MKS1: variants seen among roughly 807,000 people sequenced by gnomAD.
The protein encoded by MKS1 is MKS transition zone complex subunit 1.
Under a neutral mutation model 83.7 loss-of-function variants are expected in MKS1, and 70 were observed. The ratio of observed to expected loss-of-function variants is 0.84; its 90% confidence interval spans 0.69 to 1.02. The LOEUF (loss-of-function observed/expected upper bound fraction) is 1.02. Ranked by LOEUF, MKS1 falls within the 50% of genes least tolerant of loss-of-function variation. The pLI is 0.00. For missense variants in MKS1, 681 were observed against 726.9 expected, an observed-to-expected ratio of 0.94 and a Z score of 0.73; for synonymous variants, 251 against 273.4, an observed-to-expected ratio of 0.92 and a Z score of 0.81.
intron 4 of MKS1, 91 bp downstream of exon 4, chr17:58,215,997 C>A (rs1322083463): frequency 6.1e-5 from 91 of 1,485,892 alleles, no homozygotes; most frequent in Non-Finnish European, 8.0e-5. Flanking sequence ...TCTCCCCTTA[C>A]TAGGCTCTGA....
rs747325433 is a variant in MKS1, at chr17:58,216,229, C to T, written c.276G>A (p.Leu92=). The T allele has an allele frequency of 6.2e-7, 1 of 1,613,174 alleles. No individual in the cohort carries two copies. Among genetic ancestry groups the T allele is most frequent in the Non-Finnish European group, 8.5e-7 (1 of 1,179,948 alleles). Residue 92 remains leucine (L), a synonymous_variant, in exon 4 of 18, where the codon CTG becomes CTA. Transcript: ENST00000393119. ...EKLFSQFEVD[L]YQNETACQSP... is the part of the protein sequence containing the mutation. ...TCTGACAGGCTGTTTCATTTTGGTA[C>T]AGATCTACTTCAAACTGAGGTTACC...
intron 9 of MKS1, chr17:58,211,241 T>C (rs1426264809): frequency 1.7e-6 from 1 of 580,296 alleles, no homozygotes; most frequent in African/African-American, 1.9e-5. Context: ...TAAATGGCAG[T>C]GAGGACAATG....
chr17:58,205,786 T>C lies in MKS1; in HGVS notation c.*293A>G. 1 of 1,436,836 alleles carries C rather than the reference T, an allele frequency of 7.0e-7. No individual in the cohort carries two copies. Among genetic ancestry groups the C allele is most frequent in the Non-Finnish European group, 9.3e-7 (1 of 1,079,624 alleles). The allele number at this position is 1,436,836 out of a possible 1,614,324, so 89.0% of individuals were successfully genotyped here. ...AAAAGTGAGTCAAGGCCAGACTCAC[T>C]ATGGGGTCACCCCAAACAGCTTCAG... On this transcript the variant is annotated 3_prime_UTR_variant, in exon 18 of 18. Coordinates refer to ENST00000393119, the MANE Select transcript of MKS1 (RefSeq NM_017777.4).
At chr17:58,218,910 C>A in intron 1 of MKS1, 181 bp from the exon 2 acceptor site, 1 of 821,894 alleles carries the variant, frequency 1.2e-6, no homozygotes, top group Non-Finnish European at 2.0e-6. Context: ...AGAGGGTGTA[C>A]TGGGGGCACA....
intron 12 of MKS1, 91 bp downstream of exon 12, chr17:58,208,422 G>T: frequency 1.4e-6 from 2 of 1,450,558 alleles, no homozygotes; most frequent in Non-Finnish European, 9.6e-7. Flanking sequence ...ATCCTCCCCA[G>T]GGCGCACAGC....
In MKS1 at chr17:58,218,640, A is replaced by T; in HGVS notation, c.170T>A (p.Phe57Tyr). The change falls in exon 2 of 18, where the codon TTT becomes TAT. Residue 57 changes from phenylalanine to tyrosine, a missense_variant. Phe to Tyr is a conservative substitution (Grantham distance 22, BLOSUM62 3). This residue lies in a region of MKS1 where 365 missense variants were observed against 383.8 expected (regional missense o/e 0.95). Transcript: ENST00000393119. The part of the protein sequence containing the change: ...LGKDLIDLAT[F>Y]RPQPTASGHR... ...CCCACTGGCAGTTGGCTGAGGCCTA[A>T]AAGTGGCCAAGTCTATGAGGTCCTT... 6.2e-7 allele frequency: 1 copy of T among 1,612,828 alleles called. No individual in the cohort carries two copies. Among genetic ancestry groups the T allele is most frequent in the Non-Finnish European group, 8.5e-7 (1 of 1,178,878 alleles).
intron 1 of MKS1, 148 bp downstream of exon 1, chr17:58,219,002 TG>T: frequency 8.5e-7 from 1 of 1,171,980 alleles, no homozygotes; most frequent in Non-Finnish European, 1.2e-6. Context: ...TGTGAGTGGA[TG>T]GGGGTACGGA....
chr17:58,216,816 T>A, intron 2 of MKS1, 80 bp from the exon 3 acceptor site: 1 of 1,421,972 alleles, frequency 7.0e-7, no homozygotes, highest in Non-Finnish European at 9.9e-7. Context: ...ATAACCAAAG[T>A]CCCTATTCTT....
intron 15 of MKS1, 195 bp from the exon 16 acceptor site, chr17:58,206,742 C>G: frequency 2.9e-6 from 2 of 687,216 alleles, no homozygotes; most frequent in Middle Eastern, 3.9e-4. Flanking sequence ...AACCAGGGAA[C>G]ATTCCAACCT....
rs527325759 is a variant in MKS1 at position 58,207,003 on chromosome 17, G to C, written c.1407+82C>G. 5 of 1,585,410 alleles carry C rather than the reference G, an allele frequency of 3.2e-6. No individual in the cohort carries two copies. In the East Asian group the frequency reaches 8.9e-5, roughly 28 times the overall value. On this transcript the variant is annotated intron_variant, in intron 15 of 17. Transcript: ENST00000393119. ...ATACTGAAGCAATGCACAACTAAGGGGTCTTGACCCAGATCCCACCTCCTA... is the reference window on the plus strand; with the variant it reads ...ATACTGAAGCAATGCACAACTAAGGCGTCTTGACCCAGATCCCACCTCCTA...
rs200331553 is a variant in MKS1, at chr17:58,216,182, C to T, written c.323G>A (p.Arg108His). ...ACQSPLDYQY[R>H]QEILKLENSG... The stretch of plus-strand genomic sequence containing the variant: ...ATTCTCCAGCTTCAGGATCTCCTGA[C>T]GGTACTGATAATCCAAAGGACTCTG... The change falls in exon 4 of 18, where the codon CGT (arginine) becomes CAT (histidine). Residue 108 changes from arginine (R) to histidine (H), a missense_variant. Physicochemically the swap from Arg to His is conservative, Grantham distance 29. Around this residue, in one of 3 missense-constraint regions of MKS1, gnomAD observed 365 missense variants for 383.8 expected, o/e 0.95. Coordinates refer to ENST00000393119, the MANE Select transcript of MKS1 (RefSeq NM_017777.4). The T allele has an allele frequency of 5.8e-5, 93 of 1,613,966 alleles. No homozygotes were observed. The East Asian group carries it at 1.2e-3, about 22-fold the overall frequency.
At chr17:58,215,798 CA>C (rs1969159051) in intron 4 of MKS1, 2 of 419,358 alleles carry the variant, frequency 4.8e-6, no homozygotes, top group Non-Finnish European at 9.0e-6. Flanking sequence ...TGGAGGAAGT[CA>C]AGCCCAGTGG....
chr17:58,212,163 T>C (rs989637412), intron 9 of MKS1, among the ~76,000 whole-genome samples: 6 of 152,200 alleles, frequency 3.9e-5, no homozygotes, highest in African/African-American at 1.4e-4. Flanking sequence ...AGCATGTGCA[T>C]AGCCTTTCAG....
chr17:58,213,733 A>C lies in MKS1; in HGVS notation c.749+32T>G, dbSNP rs184575486. On this transcript the variant is annotated intron_variant, in intron 7 of 17. Coordinates refer to ENST00000393119, the MANE Select transcript of MKS1 (RefSeq NM_017777.4). ...AAGTGCAACCAAGGGAAGGAATGCC[A>C]GTCTCCACTACCCCTTTCTTCCTCT... 2.7e-4 allele frequency: 415 copies of C among 1,518,012 alleles called. 3 individuals are homozygous for C. The East Asian group carries it at 8.9e-3, about 32-fold the overall frequency. The allele number at this position is 1,518,012 out of a possible 1,614,324, so 94.0% of individuals were successfully genotyped here. A position where few individuals can be genotyped will look rare whatever the true frequency, so the allele number is the denominator to read the frequency against.
rs1969393475 is a variant in MKS1 at position 58,218,534 on chromosome 17, GTAT to G, written c.190+83_190+85del. On this transcript the variant is annotated intron_variant, in intron 2 of 17. Transcript: ENST00000393119. Reference sequence around the variant, plus strand: ...AACTCTATAACATATCAGAAGTATAGTATTTGTTATCTCACTACATTTGGCCAC... The same window carrying G: ...AACTCTATAACATATCAGAAGTATAGTTGTTATCTCACTACATTTGGCCAC... 27 of 745,538 alleles carry G rather than the reference GTAT, an allele frequency of 3.6e-5. 1 individual carries two copies. Among genetic ancestry groups the G allele is most frequent in the South Asian group, 3.4e-4 (25 of 72,790 alleles). 46.2% of individuals were successfully genotyped at this position (745,538 alleles called of 1,614,324 possible).
chr17:58,214,128 A>G, intron 6 of MKS1, 131 bp downstream of exon 6: 1 of 1,384,554 alleles, frequency 7.2e-7, no homozygotes, highest in Non-Finnish European at 1.0e-6. Flanking sequence ...AGCTTCACTC[A>G]TAACTAAGAA....
Position 58,213,046 on chromosome 17 carries a change from A to T in MKS1, c.794T>A (p.Ile265Asn). The T allele has an allele frequency of 6.2e-7, 1 of 1,614,020 alleles. No homozygotes were observed. The highest frequency in any genetic ancestry group is 1.1e-5 in the South Asian group (1 of 91,076). ...GEKQELWKYT[I>N]DNVSPHAQPE... The stretch of plus-strand genomic sequence containing the variant: ...CTGTGCGTGGGGGGAAACATTGTCG[A>T]TCGTATATTTCCACAGCTCCTGCTT... The change falls in exon 8 of 18, where the codon ATC becomes AAC. Residue 265 changes from isoleucine (I) to asparagine (N), a missense_variant. Around this residue, in one of 3 missense-constraint regions of MKS1, gnomAD observed 365 missense variants for 383.8 expected, o/e 0.95. Transcript: ENST00000393119.
At chr17:58,213,435 T>A (rs963931181) in intron 7 of MKS1, among the ~76,000 whole-genome samples, 1 of 152,228 alleles carries the variant, frequency 6.6e-6, no homozygotes, top group Non-Finnish European at 1.5e-5. Context: ...GATACAGAGA[T>A]GAGGAACAGT....
At position 58,212,370 on chromosome 17, in the gene MKS1, C is replaced by G; in HGVS notation, c.915+8G>C. ...GCTCACAGTGCTGCAGGAAGCCAAG[C>G]TACTCACCATCTCAAAGTCGGTGCC... On this transcript the variant is annotated splice_region_variant and intron_variant, in intron 9 of 17. Transcript: ENST00000393119. 1 of 1,614,212 alleles carries G rather than the reference C, an allele frequency of 6.2e-7. No individual in the cohort carries two copies. Among genetic ancestry groups the G allele is most frequent in the Non-Finnish European group, 8.5e-7 (1 of 1,180,030 alleles).
Sources: gnomAD v4.1 joint callset for allele counts (sites outside exome capture counted in the v4.1 genomes callset) on GRCh38, gnomAD v4.1.1 for gene constraint, gnomAD v4.1.1 regional missense constraint, MANE v1.5 for transcripts, NCBI Gene and HGNC (gene_info 2026-07-23, HGNC 2026-07-21) for gene names.